The following FKBP11 variants were observed in gnomAD, a reference collection of about 807,000 sequenced individuals.
The protein encoded by FKBP11 is FKBP prolyl isomerase 11.
A neutral mutation model predicts 24.7 loss-of-function variants in FKBP11; 21 were observed. That is an observed-to-expected ratio of 0.85 (90% CI 0.60 to 1.23). The LOEUF (loss-of-function observed/expected upper bound fraction) is 1.23, where lower values mean the gene tolerates loss of function less well. Ranked by LOEUF, FKBP11 falls within the 50% of genes most tolerant of loss-of-function variation. The pLI is 0.00. For synonymous variants in FKBP11, 106 were observed against 100.6 expected, an observed-to-expected ratio of 1.05 and a Z score of -0.32; for missense variants, 245 against 248.7, an observed-to-expected ratio of 0.99 and a Z score of 0.10.
At chr12:48,924,024 C>T in intron 4 of FKBP11, 172 bp from the exon 5 acceptor site, 1 of 875,656 alleles carries the variant, frequency 1.1e-6, no homozygotes, top group Non-Finnish European at 1.9e-6. Context: ...CCCCATGTGC[C>T]TCAACTCCCC....
upstream of FKBP11, chr12:48,926,525 T>TTTC (rs1939970020): frequency 6.8e-6 from 1 of 146,448 alleles, no homozygotes; most frequent in Non-Finnish European, 1.5e-5. Flanking sequence ...AGATTTCTTT[T>TTTC]TTTTTTTTTT....
upstream of FKBP11, among the ~76,000 whole-genome samples, chr12:48,931,128 TAAAAAAAAAA>T (rs35482677): frequency 3.9e-4 from 14 of 36,210 alleles, no homozygotes; most frequent in Admixed American, 1.5e-3. Context: ...GACTCCAGCT[TAAAAAAAAAA>T]AAAAAAAAAA....
At chr12:48,929,062 C>T (rs541125080), upstream of FKBP11, among the ~76,000 whole-genome samples, 7 of 150,330 alleles carry the variant, frequency 4.7e-5, no homozygotes, top group African/African-American at 1.7e-4. Flanking sequence ...CTCCTGACCT[C>T]AAGATCCACC....
the FKBP11 span, among the ~76,000 whole-genome samples, chr12:48,932,290 T>C: frequency 1.1e-4 from 7 of 64,658 alleles, no homozygotes; most frequent in African/African-American, 2.6e-4. Flanking sequence ...TTTTTTTTTT[T>C]CTTATAGAGA....
intron 5 of FKBP11, chr12:48,923,066 T>A (rs759251339): frequency 2.4e-6 from 2 of 841,358 alleles, no homozygotes; most frequent in Non-Finnish European, 3.2e-6. Context: ...GAGAATTGCT[T>A]GAACCCGGGT....
At chr12:48,922,615 A>G in intron 5 of FKBP11, 4 of 996,946 alleles carry the variant, frequency 4.0e-6, no homozygotes, top group Non-Finnish European at 4.8e-6. Context: ...TCAACCAACC[A>G]ATGAGCACAT....
chr12:48,924,497 GC>G, intron 3 of FKBP11, 63 bp downstream of exon 3: 1 of 1,479,470 alleles, frequency 6.8e-7, no homozygotes, highest in Non-Finnish European at 9.5e-7. Flanking sequence ...CAGCTTTGGA[GC>G]CGAAGAGGCT....
In FKBP11 at chr12:48,922,071, C is replaced by A. The variant is rs1442000316; in HGVS notation, c.519G>T (p.Gly173=). 1.2e-6 allele frequency: 2 copies of A among 1,614,090 alleles called. No homozygotes were observed. Among genetic ancestry groups the A allele is most frequent in the Admixed American group, 1.7e-5 (1 of 60,012 alleles). The part of the protein sequence containing the change: ...AMVPALLGLI[G]YHLYRKANRP... The stretch of plus-strand genomic sequence containing the variant: ...TATTGGCCTTTCTGTATAGGTGATA[C>A]CCAATGAGGCCCAGGAGGGCTGGCA... The change falls in exon 6 of 6, where the codon GGG becomes GGT. Residue 173 remains glycine, a synonymous_variant. Transcript: ENST00000550765.
Position 48,923,796 on chromosome 12 carries a change from G to A in FKBP11, c.374C>T (p.Pro125Leu), listed in dbSNP as rs1939889588. The A allele has an allele frequency of 1.2e-6, 2 of 1,614,080 alleles. No individual in the cohort carries two copies. The highest frequency in any genetic ancestry group is 1.1e-5 in the South Asian group (1 of 91,074). Residue 125 changes from proline (P) to leucine (L), a missense_variant, in exon 5 of 6, where the codon CCA becomes CTA. Transcript: ENST00000550765. ...AGTCAGATTACCTGGGACAGATGGT[G>A]GAAATCCCCGTTTTCCATAGGCCAA... ...SHLAYGKRGF[P>L]PSVPADAVVQ...
chr12:48,928,376 G>C (rs533227261), upstream of FKBP11, among the ~76,000 whole-genome samples: 1 of 146,580 alleles, frequency 6.8e-6, no homozygotes, highest in Non-Finnish European at 1.5e-5. Flanking sequence ...ACCGAGTCTC[G>C]CTCTGTTGCC....
chr12:48,926,782 C>T (rs960760341), upstream of FKBP11, among the ~76,000 whole-genome samples: 2 of 151,510 alleles, frequency 1.3e-5, no homozygotes, highest in African/African-American at 4.9e-5. Context: ...TATGAGCCAC[C>T]ACGCCCAGCC....
chr12:48,936,285 G>A, the FKBP11 span: 1 of 152,660 alleles, frequency 6.6e-6, no homozygotes. Flanking sequence ...GATAGAGAAG[G>A]TGAGTTATTA....
chr12:48,927,593 A>C (rs1280917971), upstream of FKBP11, among the ~76,000 whole-genome samples: 1 of 152,234 alleles, frequency 6.6e-6, no homozygotes, highest in Non-Finnish European at 1.5e-5. Flanking sequence ...AGTTCTGGCC[A>C]AGAGAACATA....
At chr12:48,929,843 T>C (rs1378754682), upstream of FKBP11, among the ~76,000 whole-genome samples, 1 of 152,240 alleles carries the variant, frequency 6.6e-6, no homozygotes, top group East Asian at 1.9e-4. Context: ...TCTCTGTGCC[T>C]GAACTCATAC....
At chr12:48,928,043 C>CTTTTTTTT (rs34076093), upstream of FKBP11, among the ~76,000 whole-genome samples, 23 of 88,462 alleles carry the variant, frequency 2.6e-4, no homozygotes, top group Non-Finnish European at 3.3e-4. Context: ...TGCCAGATAC[C>CTTTTTTTT]TTTTTTTTTT....
intron 5 of FKBP11, 167 bp downstream of exon 5, chr12:48,923,615 T>C: frequency 6.4e-7 from 1 of 1,555,214 alleles, no homozygotes; most frequent in Non-Finnish European, 8.7e-7. Context: ...CTGTTGGTGA[T>C]ATGAGGAGGA....
At chr12:48,932,262 T>TATATATATATATATA in the FKBP11 span, among the ~76,000 whole-genome samples, 19 of 27,398 alleles carry the variant, frequency 6.9e-4, no homozygotes, top group South Asian at 2.0e-3. Flanking sequence ...TATATATATA[T>TATATATATATATATA]TTTTTTTTTT....
upstream of FKBP11, among the ~76,000 whole-genome samples, chr12:48,928,016 C>T (rs1294775930): frequency 1.4e-5 from 2 of 147,266 alleles, no homozygotes; most frequent in Non-Finnish European, 3.0e-5. Context: ...AATTGAGATG[C>T]CTATCTTCAG....
At chr12:48,931,608 T>G in the FKBP11 span, 1 of 779,366 alleles carries the variant, frequency 1.3e-6, no homozygotes, top group Non-Finnish European at 2.0e-6. Flanking sequence ...AAGGTGTCTC[T>G]GTCAGTGTGT....
Sources: allele counts gnomAD v4.1 joint callset (sites outside exome capture counted in the v4.1 genomes callset), GRCh38; gene constraint gnomAD v4.1.1; transcripts MANE v1.5; gene names NCBI Gene and HGNC (gene_info 2026-07-23, HGNC 2026-07-21).